Variants in PGK1 observed in about 807,000 individuals in gnomAD.
PGK1 encodes the protein PRP 2.
Under a neutral mutation model 26.9 loss-of-function variants are expected in PGK1, and 3 were observed. The observed-to-expected ratio is 0.11, with a 90% CI of 0.05 to 0.29. PGK1 has a LOEUF of 0.29. PGK1 is among the 10% of genes least tolerant of loss of function. The probability of loss-of-function intolerance (pLI) is 1.00; values close to 1 mark genes in which losing one functional copy is unlikely to be tolerated. For missense variants in PGK1, 270 were observed against 314.7 expected (o/e 0.86, Z 1.07); for synonymous variants, 125 against 115.3 (o/e 1.08, Z -0.54).
chrX:78,123,987 A>G (rs782207547), intron 8 of PGK1, among the ~76,000 whole-genome samples: 13 of 111,466 alleles, frequency 1.2e-4, no homozygotes, highest in Non-Finnish European at 2.4e-4. Flanking sequence ...AGTGTCATGT[A>G]CTTTCATGGT....
In PGK1 at chrX:78,125,770, G is replaced by A. The variant is rs1404227610; in HGVS notation, c.1214-20G>A. 4.2e-6 allele frequency: 5 copies of A among 1,177,519 alleles called. No individual in the cohort carries two copies. Among genetic ancestry groups the A allele is most frequent in the African/African-American group, 1.8e-5 (1 of 56,578 alleles). ...CCCTATAGTAATGCTGTCTATGTAT[G>A]TGTGCTCTCTCAAAAACAGGTAAAG... On this transcript the variant is annotated intron_variant, in intron 10 of 10. Transcript: ENST00000373316.
rs150212804 is a variant in PGK1, at chrX:78,113,869, T to G, written c.242T>G (p.Val81Gly). ...PMPDKYSLEP[V>G]AVELKSLLGK... ...CCTGACAAGTACTCCTTAGAGCCAGTTGCTGTAGAACTCAAATCTCTGCTG... is the reference window on the plus strand; with the variant it reads ...CCTGACAAGTACTCCTTAGAGCCAGGTGCTGTAGAACTCAAATCTCTGCTG... The change falls in exon 3 of 11, where the codon GTT becomes GGT. Residue 81 changes from valine (V) to glycine (G), a missense_variant. Transcript: ENST00000373316. 1.2e-5 allele frequency: 15 copies of G among 1,209,811 alleles called. No individual in the cohort carries two copies. The highest frequency in any genetic ancestry group is 1.7e-5 in the Non-Finnish European group (15 of 894,963).
intron 2 of PGK1, among the ~76,000 whole-genome samples, chrX:78,112,480 ATTAAT>A (rs1289462301): frequency 8.9e-6 from 1 of 112,175 alleles, no homozygotes; most frequent in African/African-American, 3.3e-5. Context: ...TAATTTTTTG[ATTAAT>A]TTATAATGTA....
Position 78,126,076 on chromosome X carries a change from T to G in PGK1, c.*246T>G, listed in dbSNP as rs782079469. ...GACTAAACCATTGTGCATTCTAGAG[T>G]GCATATATTTATATTTTGCCTGTTA... On this transcript the variant is annotated 3_prime_UTR_variant, in exon 11 of 11. Transcript: ENST00000373316. 1.2e-5 allele frequency: 5 copies of G among 404,289 alleles called. No homozygotes were observed. The East Asian group carries it at 1.6e-4, about 13-fold the overall frequency. The allele number at this position is 404,289 out of a possible 1,213,427, so 33.3% of individuals were successfully genotyped here. A position where few individuals can be genotyped will look rare whatever the true frequency, so the allele number is the denominator to read the frequency against.
chrX:78,114,581 CAAA>C (rs11330839), intron 4 of PGK1, among the ~76,000 whole-genome samples: 1 of 94,990 alleles, frequency 1.1e-5, no homozygotes, highest in East Asian at 3.3e-4. Context: ...AACTAAGTCT[CAAA>C]AAAAAAAAAA....
At chrX:78,125,513 G>A in intron 10 of PGK1, 88 bp downstream of exon 10, 1 of 643,401 alleles carries the variant, frequency 1.6e-6, no homozygotes, top group Non-Finnish European at 2.6e-6. Context: ...AAAGTTAGAA[G>A]GTAGTGTTGT....
intron 6 of PGK1, 121 bp downstream of exon 6, chrX:78,118,291 G>A: frequency 1.3e-6 from 1 of 769,111 alleles, no homozygotes; most frequent in Non-Finnish European, 2.0e-6. Flanking sequence ...ATTTAATAAA[G>A]GAACTACAGG....
At chrX:78,124,548 T>C (rs1318846766) in intron 8 of PGK1, among the ~76,000 whole-genome samples, 1 of 111,378 alleles carries the variant, frequency 9.0e-6, no homozygotes, top group Non-Finnish European at 1.9e-5. Flanking sequence ...GCAACAACAA[T>C]ATTTCTAGAC....
At chrX:78,106,405 AC>A (rs1290041163) in intron 1 of PGK1, 3 of 747,571 alleles carry the variant, frequency 4.0e-6, no homozygotes, top group Non-Finnish European at 3.2e-6. Flanking sequence ...ACAGGAAGTT[AC>A]ATGGTTCCCT....
chrX:78,123,878 A>AT (rs1326232012), intron 8 of PGK1, among the ~76,000 whole-genome samples: 3 of 111,395 alleles, frequency 2.7e-5, no homozygotes, highest in Non-Finnish European at 5.7e-5. Context: ...AAGTGCTGGG[A>AT]TTACAGGCGT....
chrX:78,120,042 C>T (rs1557247842), intron 6 of PGK1, among the ~76,000 whole-genome samples: 1 of 108,893 alleles, frequency 9.2e-6, no homozygotes, highest in East Asian at 2.9e-4. Flanking sequence ...CTAGTGCTAC[C>T]TTATGGTTAG....
At chrX:78,114,777 T>A (rs1016246002) in intron 4 of PGK1, among the ~76,000 whole-genome samples, 14 of 112,365 alleles carry the variant, frequency 1.2e-4, no homozygotes, top group African/African-American at 4.5e-4. Flanking sequence ...ACTACTCACC[T>A]CTGCCGATGT....
rs1557247181 is a variant in PGK1 at position 78,114,045 on chromosome X, G to A, written c.302G>A (p.Gly101Asp). 16 of 1,210,540 alleles carry A rather than the reference G, an allele frequency of 1.3e-5. No homozygotes were observed. The highest frequency in any genetic ancestry group is 1.8e-5 in the Non-Finnish European group (16 of 894,618). Residue 101 changes from glycine (G) to aspartate (D), a missense_variant, in exon 4 of 11, where the codon GGC becomes GAC. Physicochemically the swap from Gly to Asp is moderately conservative, Grantham distance 94. Around this residue, in one of 3 missense-constraint regions of PGK1, gnomAD observed 150 missense variants for 154.6 expected, o/e 0.97. Transcript: ENST00000373316. ...KDVLFLKDCV[G>D]PEVEKACANP... ...GTTCTGTTCTTGAAGGACTGTGTAG[G>A]CCCAGAAGTGGAGAAAGCCTGTGCC... is the stretch of plus-strand genomic sequence containing the variant.
chrX:78,116,946 C>A (rs781862746), intron 4 of PGK1, among the ~76,000 whole-genome samples: 2 of 111,343 alleles, frequency 1.8e-5, no homozygotes, highest in Non-Finnish European at 3.8e-5. Flanking sequence ...ATGATACTAT[C>A]ACAAGGAGAA....
At chrX:78,109,702 C>T (rs1420964718) in intron 1 of PGK1, among the ~76,000 whole-genome samples, 165 bp from the exon 2 acceptor site, 4 of 111,243 alleles carry the variant, frequency 3.6e-5, no homozygotes, top group African/African-American at 6.5e-5. Flanking sequence ...TCACCACTCC[C>T]GCCATCCTCC....
intron 2 of PGK1, among the ~76,000 whole-genome samples, 177 bp from the exon 3 acceptor site, chrX:78,113,567 G>T (rs1006004873): frequency 3.6e-5 from 4 of 112,042 alleles, no homozygotes; most frequent in Middle Eastern, 9.2e-3. Context: ...ACAATCCTAG[G>T]TGGAGGGTTG....
chrX:78,120,498 G>T (rs1382576203), intron 6 of PGK1, among the ~76,000 whole-genome samples: 3 of 109,317 alleles, frequency 2.7e-5, no homozygotes, highest in Non-Finnish European at 5.7e-5. Flanking sequence ...TCTATATATA[G>T]ATTTTTTTTT....
intron 6 of PGK1, among the ~76,000 whole-genome samples, chrX:78,120,195 G>T (rs2078347113): frequency 9.0e-6 from 1 of 111,402 alleles, no homozygotes; most frequent in Non-Finnish European, 1.9e-5. Context: ...TTTATTGTAA[G>T]AAACACTCAT....
intron 6 of PGK1, among the ~76,000 whole-genome samples, chrX:78,121,520 C>G (rs782638560): frequency 1.8e-5 from 2 of 112,217 alleles, no homozygotes; most frequent in Non-Finnish European, 3.8e-5. Context: ...ACCCACATCA[C>G]TGTTGTTTCA....
Sources: gnomAD v4.1 joint callset for allele counts (sites outside exome capture counted in the v4.1 genomes callset) on GRCh38, gnomAD v4.1.1 for gene constraint, gnomAD v4.1.1 regional missense constraint, MANE v1.5 for transcripts, NCBI Gene and HGNC (gene_info 2026-07-23, HGNC 2026-07-21) for gene names.